Variants in ZNF335 observed in about 807,000 individuals in gnomAD.
The protein encoded by ZNF335 is zinc finger protein 335, also known as NRC-interacting factor 1.
Under a neutral mutation model 145.6 loss-of-function variants are expected in ZNF335, and 84 were observed. The ratio of observed to expected loss-of-function variants is 0.58; its 90% CI spans 0.48 to 0.69. ZNF335 has a LOEUF of 0.69. Among genes scored for constraint, ZNF335 ranks in the 30% least tolerant of loss-of-function variants. ZNF335 has a pLI of 0.00. For missense variants in ZNF335, 1,865 were observed against 1,809.7 expected (o/e 1.03, Z -0.55); for synonymous variants, 761 against 717.0 (o/e 1.06, Z -0.98).
chr20:45,953,291 C>T (rs2083667604), intron 18 of ZNF335, among the ~76,000 whole-genome samples: 1 of 152,170 alleles, frequency 6.6e-6, no homozygotes, highest in South Asian at 2.1e-4. Context: ...CCTGAGCTTG[C>T]TCGGAGTGTC....
At position 45,965,719 on chromosome 20, in the gene ZNF335, G is replaced by C; in HGVS notation, c.1011C>G (p.Leu337=). 3.1e-6 allele frequency: 5 copies of C among 1,606,792 alleles called. No homozygotes were observed. The highest frequency in any genetic ancestry group is 4.2e-6 in the Non-Finnish European group (5 of 1,176,990). The stretch of plus-strand genomic sequence containing the variant: ...TTGGGGTACTGGGGGTGGGGCGCTG[G>C]AGCCGAAGCTGCCGGCCTCGGGGCT... ...EDEPRGRQLR[L]QRPTPSTPRP... The change falls in exon 7 of 28, where the codon CTC becomes CTG. Residue 337 remains leucine, a synonymous_variant. Coordinates refer to ENST00000322927, the MANE Select transcript of ZNF335 (RefSeq NM_022095.4).
chr20:45,962,200 G>A lies in ZNF335; in HGVS notation c.1534-18C>T, dbSNP rs762680413. The A allele has an allele frequency of 6.2e-7, 1 of 1,607,098 alleles. No individual in the cohort carries two copies. Among genetic ancestry groups the A allele is most frequent in the East Asian group, 2.2e-5 (1 of 44,838 alleles). ...ATGTGCTCCTGGGAGACAGACAAAA[G>A]GATGGTGGGCTGGGGCTTGGCCTCC... On this transcript the variant is annotated intron_variant, in intron 9 of 27. Coordinates refer to ENST00000322927, the MANE Select transcript of ZNF335 (RefSeq NM_022095.4).
chr20:45,953,993 G>T, intron 17 of ZNF335, 45 bp from the exon 18 acceptor site: 1 of 1,532,450 alleles, frequency 6.5e-7, no homozygotes. Context: ...TGGTGGCAGA[G>T]GAGCGGGTAT....
rs779084748 is a variant in ZNF335, at chr20:45,950,377, A to G, written c.3333-4T>C. ...GAGGTGCCCGTTACGGTTGAAACTG[A>G]GGGGGATGAAAGGTGGCTCAGGTTA... On this transcript the variant is annotated splice_region_variant and splice_polypyrimidine_tract_variant and intron_variant, in intron 21 of 27. Coordinates refer to ENST00000322927, the MANE Select transcript of ZNF335 (RefSeq NM_022095.4). The G allele has an allele frequency of 1.6e-4, 255 of 1,603,520 alleles. No individual in the cohort carries two copies. Among genetic ancestry groups the G allele is most frequent in the Non-Finnish European group, 2.1e-4 (246 of 1,172,768 alleles).
At chr20:45,950,647 CA>C in intron 20 of ZNF335, 52 bp from the exon 21 acceptor site, 1 of 1,596,408 alleles carries the variant, frequency 6.3e-7, no homozygotes, top group South Asian at 1.1e-5. Context: ...CAGATGGCAA[CA>C]AATCCCCGGA....
chr20:45,952,311 G>A lies in ZNF335; in HGVS notation c.3025C>T (p.Pro1009Ser). 2.5e-6 allele frequency: 4 copies of A among 1,613,524 alleles called. No individual in the cohort carries two copies. Among genetic ancestry groups the A allele is most frequent in the Non-Finnish European group, 3.4e-6 (4 of 1,179,990 alleles). Residue 1009 changes from proline to serine, a missense_variant, in exon 20 of 28, where the codon CCA becomes TCA. Pro to Ser is a moderately conservative substitution (Grantham distance 74, BLOSUM62 -1). Transcript: ENST00000322927. ...ALGLAVPPSPPSAATAASKKF... is the reference protein window; with the variant it reads ...ALGLAVPPSPSSAATAASKKF... ...TTTGATGCAGCAGTGGCTGCAGATG[G>A]CGGTGACGGGGGCACTGCCAGGCCC...
chr20:45,952,121 G>A (rs1194649987), intron 20 of ZNF335, 26 bp downstream of exon 20: 1 of 1,562,966 alleles, frequency 6.4e-7, no homozygotes, highest in East Asian at 2.3e-5. Context: ...AATGACAGCA[G>A]AGACACAGGA....
At chr20:45,959,168 A>C in intron 15 of ZNF335, 33 bp downstream of exon 15, 2 of 1,327,780 alleles carry the variant, frequency 1.5e-6, no homozygotes, top group East Asian at 2.8e-5. Context: ...AAGCGGCCTC[A>C]CTCTGTCATC....
In ZNF335 at chr20:45,957,898, A is replaced by G; in HGVS notation, c.2284T>C (p.Ser762Pro). 1.2e-6 allele frequency: 2 copies of G among 1,614,070 alleles called. No homozygotes were observed. Among genetic ancestry groups the G allele is most frequent in the Non-Finnish European group, 1.7e-6 (2 of 1,180,016 alleles). The change falls in exon 16 of 28, where the codon TCT becomes CCT. Residue 762 changes from serine to proline, a missense_variant. Coordinates refer to ENST00000322927, the MANE Select transcript of ZNF335 (RefSeq NM_022095.4). ...IPPEATTFQS[S>P]EAPSLLCSDT... is the part of the protein sequence containing the mutation. Reference sequence around the variant, plus strand: ...GAACAGAGCAATGAGGGAGCCTCAGATGACTGGAAAGTTGTCGCCTCTGGG... The same window carrying G: ...GAACAGAGCAATGAGGGAGCCTCAGGTGACTGGAAAGTTGTCGCCTCTGGG...
chr20:45,949,755 G>T (rs946878409), intron 24 of ZNF335, 45 bp downstream of exon 24: 5 of 1,605,322 alleles, frequency 3.1e-6, no homozygotes, highest in Non-Finnish European at 4.3e-6. Flanking sequence ...CTTTGGGAGG[G>T]TAGGAGGTCA....
At position 45,969,659 on chromosome 20, in the gene ZNF335, G is replaced by C; in HGVS notation, c.234C>G (p.Asp78Glu). 6.2e-7 allele frequency: 1 copy of C among 1,612,130 alleles called. No individual in the cohort carries two copies. The highest frequency in any genetic ancestry group is 8.5e-7 in the Non-Finnish European group (1 of 1,179,256). ...EEVSESSSSA[D>E]PLPNSYLPDS... ...CAGGGAGGTAGCTATTAGGCAGGGG[G>C]TCTGCGCTCGAGCTGCTCTCAGATA... The change falls in exon 3 of 28, where the codon GAC (aspartate) becomes GAG (glutamate). Residue 78 changes from aspartate to glutamate, a missense_variant. Transcript: ENST00000322927.
chr20:45,967,467 G>C (rs772435672), intron 6 of ZNF335, 27 bp downstream of exon 6: 2 of 1,614,000 alleles, frequency 1.2e-6, no homozygotes, highest in Non-Finnish European at 1.7e-6. Flanking sequence ...CATAGGGATG[G>C]CAGGCCTAGA....
chr20:45,971,126 A>G, intron 2 of ZNF335, 84 bp downstream of exon 2: 2 of 1,441,470 alleles, frequency 1.4e-6, no homozygotes, highest in Non-Finnish European at 1.8e-6. Context: ...TATTAGCTAC[A>G]AACAAGCCTT....
In ZNF335 at chr20:45,963,656, G is replaced by A. The variant is rs1445521896; in HGVS notation, c.1356-6C>T. The stretch of plus-strand genomic sequence containing the variant: ...TGGGCGACTTGTAATAGTACCTGCA[G>A]GATGAGAGTGTGGCGGAAAGGTCTG... On this transcript the variant is annotated splice_region_variant and splice_polypyrimidine_tract_variant and intron_variant, in intron 8 of 27. Transcript: ENST00000322927. 3 of 1,614,026 alleles carry A rather than the reference G, an allele frequency of 1.9e-6. No homozygotes were observed. Among genetic ancestry groups the A allele is most frequent in the Non-Finnish European group, 2.5e-6 (3 of 1,179,872 alleles).
In ZNF335 at chr20:45,971,190, C is replaced by T; in HGVS notation, c.201+20G>A. 6.7e-7 allele frequency: 1 copy of T among 1,502,726 alleles called. No individual in the cohort carries two copies. Among genetic ancestry groups the T allele is most frequent in the Non-Finnish European group, 8.9e-7 (1 of 1,126,362 alleles). The allele number at this position is 1,502,726 out of a possible 1,614,324, so 93.1% of individuals were successfully genotyped here. On this transcript the variant is annotated intron_variant, in intron 2 of 27. Transcript: ENST00000322927. Reference sequence around the variant, plus strand: ...CTCGCGGTCCTTGCCTCCACCCACGCCGTCCAGCCGGGTCCATACCTGAGA... The same window carrying T: ...CTCGCGGTCCTTGCCTCCACCCACGTCGTCCAGCCGGGTCCATACCTGAGA...
rs199820313 is a variant in ZNF335 at position 45,969,626 on chromosome 20, C to G, written c.267G>C (p.Ser89=). ...CTGCCACTGGCCCATGAGACACAGA[C>G]GATGAATCAGGGAGGTAGCTATTAG... ...PLPNSYLPDS[S]SVSHGPVAGV... The change falls in exon 3 of 28, where the codon TCG becomes TCC. Residue 89 remains serine (S), a synonymous_variant. Coordinates refer to ENST00000322927, the MANE Select transcript of ZNF335 (RefSeq NM_022095.4). 6.2e-7 allele frequency: 1 copy of G among 1,610,758 alleles called. No individual in the cohort carries two copies. The highest frequency in any genetic ancestry group is 8.5e-7 in the Non-Finnish European group (1 of 1,177,834).
In ZNF335 at chr20:45,960,596, C is replaced by T; in HGVS notation, c.1782+20G>A. ...CCAGGGGAGGCCCTCCTCTCAGCCC[C>T]AGCCCTGGCTCCCACCCACCTTGTC... On this transcript the variant is annotated intron_variant, in intron 12 of 27. Transcript: ENST00000322927. 1 of 1,614,110 alleles carries T rather than the reference C, an allele frequency of 6.2e-7. No homozygotes were observed. Among genetic ancestry groups the T allele is most frequent in the Non-Finnish European group, 8.5e-7 (1 of 1,179,980 alleles).
intron 16 of ZNF335, 77 bp from the exon 17 acceptor site, chr20:45,957,757 C>A (rs1473559383): frequency 1.2e-6 from 2 of 1,601,998 alleles, no homozygotes; most frequent in African/African-American, 1.3e-5. Context: ...CATCTTCCAG[C>A]CCCCACCAGC....
chr20:45,966,546 T>C (rs974769149), intron 6 of ZNF335, among the ~76,000 whole-genome samples: 3 of 143,516 alleles, frequency 2.1e-5, no homozygotes, highest in African/African-American at 8.2e-5. Flanking sequence ...TGTTTCTTTT[T>C]CTTTCTTTTT....
Sources: allele counts gnomAD v4.1 joint callset (sites outside exome capture counted in the v4.1 genomes callset), GRCh38; gene constraint gnomAD v4.1.1; transcripts MANE v1.5; gene names NCBI Gene and HGNC (gene_info 2026-07-23, HGNC 2026-07-21).